OCA2: variants seen among roughly 807,000 people sequenced by gnomAD.
The protein encoded by OCA2 is P protein.
In OCA2, 77 loss-of-function variants were observed where a neutral mutation model predicts 100.2. The ratio of observed to expected loss-of-function variants is 0.77; its 90% CI spans 0.64 to 0.93. OCA2 has a LOEUF of 0.93. Among genes scored for constraint, OCA2 ranks in the 40% least tolerant of loss-of-function variants. The probability of loss-of-function intolerance (pLI) is 0.00; values close to 1 mark genes in which losing one functional copy is unlikely to be tolerated. For synonymous variants in OCA2, 432 were observed against 439.2 expected (o/e 0.98, Z 0.21); for missense variants, 1,062 against 1,089.1 (o/e 0.98, Z 0.35).
chr15:27,879,683 A>G (rs2036935435), intron 19 of OCA2, among the ~76,000 whole-genome samples: 1 of 151,956 alleles, frequency 6.6e-6, no homozygotes, highest in Non-Finnish European at 1.5e-5. Context: ...CCTTTGCCCA[A>G]TTTTTAATGT....
At chr15:27,816,543 C>T (rs545324464) in intron 23 of OCA2, among the ~76,000 whole-genome samples, 34 of 152,278 alleles carry the variant, frequency 2.2e-4, no homozygotes, top group African/African-American at 8.2e-4. Context: ...CAGTGAAGAA[C>T]CTCCTCCCAG....
Position 27,934,790 on chromosome 15 carries a change from T to C in OCA2, c.1952-8536A>G, listed in dbSNP as rs147855632. ...TCCATCCAACTTCAGAAAGTTTCCA[T>C]AGTCACGGAGATTTGTCTTGTTAGA... On this transcript the variant is annotated intron_variant, in intron 18 of 23. Transcript: ENST00000354638. Among the ~76,000 whole-genome samples the C allele has an allele frequency of 4.6e-3, 696 of 152,338 alleles. 10 individuals carry two copies. The highest frequency in any genetic ancestry group is 0.016 in the African/African-American group (665 of 41,572).
intron 18 of OCA2, among the ~76,000 whole-genome samples, chr15:27,945,221 C>T (rs1242673296): frequency 6.6e-6 from 1 of 152,174 alleles, no homozygotes; most frequent in African/African-American, 2.4e-5. Context: ...CTCAGCCACT[C>T]CAGGCCACAT....
In OCA2 at chr15:27,952,679, TATTTTC is replaced by T. The variant is rs1327138578; in HGVS notation, c.1843-793_1843-788del. Among the ~76,000 whole-genome samples, 1,517 of 152,180 alleles carry T rather than the reference TATTTTC, an allele frequency of 1.0e-2. 29 individuals carry two copies. Among genetic ancestry groups the T allele is most frequent in the African/African-American group, 0.034 (1,422 of 41,494 alleles). On this transcript the variant is annotated intron_variant, in intron 17 of 23. Coordinates refer to ENST00000354638, the MANE Select transcript of OCA2 (RefSeq NM_000275.3). ...TTATTTATTTATTTATTTTTATTTT[TATTTTC>T]ATTTTCATTTTTTGAGACAGTCTCA...
intron 18 of OCA2, among the ~76,000 whole-genome samples, chr15:27,927,724 TA>T (rs1273662159): frequency 6.6e-6 from 1 of 151,974 alleles, no homozygotes; most frequent in Non-Finnish European, 1.5e-5. Context: ...AATGGTTGTG[TA>T]GTGGGATCTT....
intron 23 of OCA2, among the ~76,000 whole-genome samples, chr15:27,817,784 TA>T (rs2034359700): frequency 6.6e-6 from 1 of 152,178 alleles, no homozygotes; most frequent in African/African-American, 2.4e-5. Flanking sequence ...CTGCTGGTCC[TA>T]AACAGAAGGG....
At chr15:27,924,150 C>T (rs764458416) in intron 19 of OCA2, among the ~76,000 whole-genome samples, 10 of 152,102 alleles carry the variant, frequency 6.6e-5, no homozygotes, top group Non-Finnish European at 8.8e-5. Context: ...TCAGCTTTGT[C>T]GAAGATCAGA....
chr15:27,997,255 A>C (rs2141077263), intron 9 of OCA2, among the ~76,000 whole-genome samples: 1 of 151,888 alleles, frequency 6.6e-6, no homozygotes, highest in South Asian at 2.1e-4. Flanking sequence ...GAAAGAAAGA[A>C]AGAAAGGGAA....
chr15:28,036,071 C>T (rs948243437), intron 2 of OCA2, among the ~76,000 whole-genome samples: 2 of 152,182 alleles, frequency 1.3e-5, no homozygotes, highest in East Asian at 3.9e-4. Flanking sequence ...TCAGCTATCT[C>T]ATTAGCATTT....
At chr15:28,028,598 A>G (rs906554217) in intron 3 of OCA2, among the ~76,000 whole-genome samples, 8 of 152,326 alleles carry the variant, frequency 5.3e-5, no homozygotes, top group African/African-American at 1.9e-4. Context: ...TGGGGCCTAT[A>G]TCTAGATGAC....
intron 4 of OCA2, among the ~76,000 whole-genome samples, chr15:28,027,295 C>G (rs565131767): frequency 6.6e-6 from 1 of 152,298 alleles, no homozygotes; most frequent in African/African-American, 2.4e-5. Context: ...CCATTGCTCC[C>G]GTAGGCATGT....
intron 2 of OCA2, among the ~76,000 whole-genome samples, chr15:28,057,627 T>A (rs2043742624): frequency 6.6e-6 from 1 of 151,254 alleles, no homozygotes; most frequent in African/African-American, 2.4e-5. Flanking sequence ...GGCCCAAAAA[T>A]ACATATAAGC....
intron 4 of OCA2, 67 bp from the exon 5 acceptor site, chr15:28,024,969 T>G: frequency 6.9e-7 from 1 of 1,453,150 alleles, no homozygotes; most frequent in Admixed American, 1.8e-5. Flanking sequence ...TCAGACACTT[T>G]TCTGCAGCCT....
intron 23 of OCA2, 45 bp from the exon 24 acceptor site, chr15:27,755,517 A>AATCTCATGAGTCCGT: frequency 1.3e-6 from 2 of 1,481,538 alleles, no homozygotes; most frequent in Non-Finnish European, 1.9e-6. Flanking sequence ...AAATCTGGAT[A>AATCTCATGAGTCCGT]ATCTCATGAG....
At chr15:27,751,859 C>T (rs1030813842), downstream of OCA2, among the ~76,000 whole-genome samples, 14 of 152,328 alleles carry the variant, frequency 9.2e-5, no homozygotes, top group African/African-American at 3.1e-4. Flanking sequence ...GGCCTTGGTG[C>T]AGGTTGAAGA....
intron 2 of OCA2, among the ~76,000 whole-genome samples, chr15:28,056,454 C>G (rs1354595438): frequency 2.0e-5 from 3 of 152,218 alleles, no homozygotes; most frequent in African/African-American, 7.2e-5. Flanking sequence ...TGGCCGGAAG[C>G]CAAACCCAAC....
intron 19 of OCA2, among the ~76,000 whole-genome samples, chr15:27,897,781 G>A (rs12595388): frequency 0.32 from 48,041 of 151,968 alleles, 8,072 homozygotes; most frequent in East Asian, 0.56. Flanking sequence ...TGCACCGTGC[G>A]CCTGGAAAAT....
At chr15:27,922,678 GGGGT>G (rs1216769181) in intron 19 of OCA2, among the ~76,000 whole-genome samples, 107 of 98,994 alleles carry the variant, frequency 1.1e-3, no homozygotes, top group East Asian at 7.3e-3. Flanking sequence ...TTTTTTGTTT[GGGGT>G]GTGTGTGTGT....
chr15:27,795,052 T>A (rs1045274098), intron 23 of OCA2, among the ~76,000 whole-genome samples: 2 of 152,166 alleles, frequency 1.3e-5, no homozygotes, highest in Admixed American at 6.5e-5. Flanking sequence ...TCCAATTTGT[T>A]AATCACCGAG....
Sources: allele counts gnomAD v4.1 joint callset (sites outside exome capture counted in the v4.1 genomes callset), GRCh38; gene constraint gnomAD v4.1.1; transcripts MANE v1.5; gene names NCBI Gene and HGNC (gene_info 2026-07-23, HGNC 2026-07-21).